TULP4: variants seen among roughly 807,000 people sequenced by gnomAD.
TULP4 encodes the protein tubby-related protein 4.
TULP4 carries 16 observed loss-of-function variants against 129.0 expected under a neutral mutation model. The ratio of observed to expected loss-of-function variants is 0.12; its 90% CI spans 0.08 to 0.19. The LOEUF is 0.19. Ranked by LOEUF, TULP4 falls within the 10% of genes least tolerant of loss-of-function variation. The pLI is 1.00. For synonymous variants in TULP4, 998 were observed against 854.0 expected, an observed-to-expected ratio of 1.17 and a Z score of -2.94; for missense variants, 1,842 against 2,059.1, an observed-to-expected ratio of 0.89 and a Z score of 2.04.
At position 158,500,928 on chromosome 6, in the gene TULP4, C is replaced by T. The variant is rs529542067; in HGVS notation, c.2015-750C>T. Among the ~76,000 whole-genome samples the T allele has an allele frequency of 5.9e-5, 9 of 152,204 alleles. No individual in the cohort carries two copies. The South Asian group carries it at 1.0e-3, about 18-fold the overall frequency. On this transcript the variant is annotated intron_variant, in intron 12 of 13. Coordinates refer to ENST00000367097, the MANE Select transcript of TULP4 (RefSeq NM_020245.5). ...AAAAATACATAGCTGGGTGTGGTGG[C>T]GCTCACCTGCAGTCCCAGCTACTGG...
chr6:158,283,750 C>G (rs1176083693), intron 1 of TULP4, among the ~76,000 whole-genome samples: 1 of 152,196 alleles, frequency 6.6e-6, no homozygotes, highest in Non-Finnish European at 1.5e-5. Context: ...TAAACTGCCT[C>G]CAGCCTTCTG....
At chr6:158,238,413 TTG>T (rs368964710) in intron 1 of TULP4, 502 of 349,174 alleles carry the variant, frequency 1.4e-3, no homozygotes, top group Middle Eastern at 6.2e-3. Context: ...CCTTGTTAAA[TTG>T]TTTTTTTTTT....
At chr6:158,308,328 A>G (rs1779253916), upstream of TULP4, among the ~76,000 whole-genome samples, 2 of 151,930 alleles carry the variant, frequency 1.3e-5, no homozygotes, top group East Asian at 3.8e-4. Flanking sequence ...GTAAGGTCAC[A>G]GATCAACAGG....
chr6:158,246,254 C>A (rs1244854671), intron 1 of TULP4, among the ~76,000 whole-genome samples: 1 of 152,076 alleles, frequency 6.6e-6, no homozygotes, highest in African/African-American at 2.4e-5. Flanking sequence ...GTAATCCCAG[C>A]ACTTTGGGAG....
In TULP4 at chr6:158,489,642, C is replaced by T; in HGVS notation, c.1541C>T (p.Ser514Leu). 6.2e-7 allele frequency: 1 copy of T among 1,614,222 alleles called. No homozygotes were observed. Among genetic ancestry groups the T allele is most frequent in the Non-Finnish European group, 8.5e-7 (1 of 1,180,040 alleles). Residue 514 changes from serine to leucine, a missense_variant, in exon 9 of 14, where the codon TCA becomes TTA. Around this residue, in one of 5 missense-constraint regions of TULP4, gnomAD observed 456 missense variants for 534.3 expected, o/e 0.85. Transcript: ENST00000367097. Reference protein sequence around the residue: ...ISTVIDSCNCSDSSDIELSDD... With the variant: ...ISTVIDSCNCLDSSDIELSDD... The stretch of plus-strand genomic sequence containing the variant: ...ACTGTGATCGACAGCTGCAACTGCT[C>T]AGACTCCAGTGACATTGAGCTGAGT...
Position 158,498,663 on chromosome 6 carries a change from C to G in TULP4, c.1871-6C>G. ...TGTTAACTGTGCCCTTCTTTTTCCC[C>G]ACCAGTAATCTATAAAACCAGCCTC... On this transcript the variant is annotated splice_region_variant and splice_polypyrimidine_tract_variant and intron_variant, in intron 11 of 13. Coordinates refer to ENST00000367097, the MANE Select transcript of TULP4 (RefSeq NM_020245.5). 6.2e-7 allele frequency: 1 copy of G among 1,614,146 alleles called. No homozygotes were observed. The highest frequency in any genetic ancestry group is 8.5e-7 in the Non-Finnish European group (1 of 1,180,000).
At chr6:158,238,781 A>G (rs1281213813) in intron 1 of TULP4, among the ~76,000 whole-genome samples, 1 of 94,472 alleles carries the variant, frequency 1.1e-5, no homozygotes, top group African/African-American at 4.0e-5. Flanking sequence ...AGGCAGAAGA[A>G]TTTTTCTTAG....
At position 158,413,157 on chromosome 6, in the gene TULP4, G is replaced by A. The variant is rs1483653789; in HGVS notation, c.345G>A (p.Arg115=). ...GIFVWIQYEG[R]WSVELVNDRG... ...TCGTGTGGATTCAGTACGAGGGCAG[G>A]TGGTCTGTGGAGCTGGTCAACGACC... is the stretch of plus-strand genomic sequence containing the variant. Residue 115 remains arginine (R), a synonymous_variant, in exon 2 of 14, where the codon AGG becomes AGA. Coordinates refer to ENST00000367097, the MANE Select transcript of TULP4 (RefSeq NM_020245.5). This position sits in a 1 kb window ranked among gnomAD's most constrained non-coding sequence, Gnocchi z 4.9. 1 of 1,613,716 alleles carries A rather than the reference G, an allele frequency of 6.2e-7. No homozygotes were observed. Among genetic ancestry groups the A allele is most frequent in the East Asian group, 2.2e-5 (1 of 44,870 alleles).
intron 1 of TULP4, among the ~76,000 whole-genome samples, chr6:158,389,216 G>A (rs1332514226): frequency 1.3e-5 from 2 of 152,222 alleles, no homozygotes; most frequent in African/African-American, 2.4e-5. Flanking sequence ...TTGGGAGGCT[G>A]AGGCAGATGG....
At chr6:158,426,047 T>C (rs147456010) in intron 2 of TULP4, among the ~76,000 whole-genome samples, 8 of 152,306 alleles carry the variant, frequency 5.3e-5, no homozygotes, top group Admixed American at 5.2e-4. Flanking sequence ...GTGTCAGTTC[T>C]TATTTTTTGT....
At chr6:158,494,624 A>G in intron 10 of TULP4, 129 bp from the exon 11 acceptor site, 3 of 783,268 alleles carry the variant, frequency 3.8e-6, no homozygotes, top group South Asian at 4.0e-5. Context: ...TAGATGAGGT[A>G]GGGAATGGGT....
At chr6:158,254,292 G>A (rs1215837193) in intron 1 of TULP4, among the ~76,000 whole-genome samples, 2 of 150,864 alleles carry the variant, frequency 1.3e-5, no homozygotes, top group Admixed American at 6.6e-5. Context: ...ACAGGAATGC[G>A]CCACCATGCC....
chr6:158,460,704 C>T (rs2115180677), intron 5 of TULP4, among the ~76,000 whole-genome samples: 1 of 152,328 alleles, frequency 6.6e-6, no homozygotes, highest in African/African-American at 2.4e-5. Flanking sequence ...TCAGCATTCT[C>T]ATATGCATGT....
At chr6:158,364,970 T>C (rs959234822) in intron 1 of TULP4, among the ~76,000 whole-genome samples, 12 of 151,872 alleles carry the variant, frequency 7.9e-5, no homozygotes, top group Non-Finnish European at 1.2e-4. Context: ...CTCCTGACCT[T>C]GTGATCCACC....
intron 3 of TULP4, among the ~76,000 whole-genome samples, chr6:158,434,839 A>G (rs1201294540): frequency 6.6e-6 from 1 of 152,180 alleles, no homozygotes; most frequent in Non-Finnish European, 1.5e-5. Context: ...TCAAAAGAAG[A>G]GCCCCAAACT....
chr6:158,434,773 G>C (rs1335368425), intron 3 of TULP4, among the ~76,000 whole-genome samples: 1 of 152,206 alleles, frequency 6.6e-6, no homozygotes, highest in Non-Finnish European at 1.5e-5. Context: ...TCCATGCTGA[G>C]TGTGGTCCTC....
chr6:158,422,938 G>A (rs1192309057), intron 2 of TULP4, among the ~76,000 whole-genome samples: 1 of 152,232 alleles, frequency 6.6e-6, no homozygotes, highest in Non-Finnish European at 1.5e-5. Flanking sequence ...CGCCATGTTG[G>A]ATGGACCCAG....
intron 1 of TULP4, among the ~76,000 whole-genome samples, chr6:158,359,900 A>G (rs911273746): frequency 1.3e-5 from 2 of 152,124 alleles, no homozygotes; most frequent in African/African-American, 4.8e-5. Flanking sequence ...GTCCCTGTGG[A>G]CTGGCTTTCT....
chr6:158,492,754 T>C lies in TULP4; in HGVS notation c.1632-819T>C, dbSNP rs564192202. Among the ~76,000 whole-genome samples, 99 of 152,298 alleles carry C rather than the reference T, an allele frequency of 6.5e-4. 1 individual carries two copies. The South Asian group carries it at 0.019, about 30-fold the overall frequency. ...TTTCTCATCAAGCTCAAAACCAGTA[T>C]ATATGAGACTTAATGCATTTTTTCA... On this transcript the variant is annotated intron_variant, in intron 9 of 13. Coordinates refer to ENST00000367097, the MANE Select transcript of TULP4 (RefSeq NM_020245.5).
Sources: gnomAD v4.1 joint callset for allele counts (sites outside exome capture counted in the v4.1 genomes callset) on GRCh38, gnomAD v4.1.1 for gene constraint, gnomAD v4.1.1 regional missense constraint, Gnocchi (gnomAD v3.1) non-coding constraint, MANE v1.5 for transcripts, NCBI Gene and HGNC (gene_info 2026-07-23, HGNC 2026-07-21) for gene names.